The following SLC71A2 variants were observed in gnomAD, a reference collection of about 807,000 sequenced individuals.
The protein encoded by SLC71A2 is hippocampus abundant transcript-like 1.
At chr9:94,426,749 G>T in the SLC71A2 span, among the ~76,000 whole-genome samples, 1 of 146,554 alleles carries the variant, frequency 6.8e-6, no homozygotes, top group Admixed American at 6.7e-5. Context: ...TTTTTTTCAG[G>T]CAAATGCCAT....
chr9:94,452,616 T>A, the SLC71A2 span, among the ~76,000 whole-genome samples: 1 of 103,530 alleles, frequency 9.7e-6, no homozygotes, highest in African/African-American at 2.8e-5. Context: ...AGAGGGAGAA[T>A]ATATATATAT....
the SLC71A2 span, among the ~76,000 whole-genome samples, chr9:94,404,389 G>A: frequency 4.6e-5 from 7 of 151,912 alleles, no homozygotes; most frequent in Admixed American, 1.3e-4. Context: ...TCCGCCTCCC[G>A]GATTCAAGCA....
At chr9:94,424,957 A>G in the SLC71A2 span, among the ~76,000 whole-genome samples, 4 of 149,968 alleles carry the variant, frequency 2.7e-5, no homozygotes, top group Admixed American at 6.6e-5. Context: ...CTGGTCTTGA[A>G]CTCCTGGTCT....
chr9:94,382,907 A>T, the SLC71A2 span, among the ~76,000 whole-genome samples: 2 of 152,058 alleles, frequency 1.3e-5, no homozygotes, highest in Non-Finnish European at 2.9e-5. Flanking sequence ...GCTAGCCAGG[A>T]TGGTCTCAAT....
the SLC71A2 span, among the ~76,000 whole-genome samples, chr9:94,379,349 G>A: frequency 9.6e-5 from 14 of 146,064 alleles, no homozygotes; most frequent in Admixed American, 8.8e-4. Flanking sequence ...GCCTCCCAAA[G>A]TGCTGGAATT....
chr9:94,412,197 T>G, the SLC71A2 span, among the ~76,000 whole-genome samples: 1 of 152,230 alleles, frequency 6.6e-6, no homozygotes, highest in East Asian at 1.9e-4. Flanking sequence ...CTAAGGGACA[T>G]TTGATTTCAG....
chr9:94,448,580 T>A, the SLC71A2 span, among the ~76,000 whole-genome samples: 1 of 152,202 alleles, frequency 6.6e-6, no homozygotes, highest in Non-Finnish European at 1.5e-5. Flanking sequence ...ATTCTGATAG[T>A]TTTCCTGAGG....
the SLC71A2 span, among the ~76,000 whole-genome samples, chr9:94,455,109 A>G: frequency 7.5e-6 from 1 of 133,366 alleles, no homozygotes; most frequent in Admixed American, 7.6e-5. Context: ...GTAAGTACAT[A>G]TGCCCCTTCT....
the SLC71A2 span, among the ~76,000 whole-genome samples, chr9:94,396,206 G>C: frequency 2.0e-5 from 3 of 148,042 alleles, no homozygotes; most frequent in Non-Finnish European, 4.5e-5. Flanking sequence ...ACTCTGCGTT[G>C]GGTTCTATTT....
the SLC71A2 span, chr9:94,415,275 T>C: frequency 1.3e-6 from 2 of 1,558,046 alleles, no homozygotes; most frequent in Middle Eastern, 1.7e-4. Flanking sequence ...TGAACTGGGT[T>C]TGTGTTTTGT....
the SLC71A2 span, among the ~76,000 whole-genome samples, chr9:94,424,391 T>C: frequency 6.6e-6 from 1 of 151,812 alleles, no homozygotes; most frequent in Non-Finnish European, 1.5e-5. Flanking sequence ...TGCACCACCA[T>C]GCCTGGCTAA....
the SLC71A2 span, among the ~76,000 whole-genome samples, chr9:94,409,129 C>CTTTTTTTTTTTTTTTT: frequency 5.9e-5 from 4 of 68,240 alleles, no homozygotes; most frequent in African/African-American, 3.0e-4. Flanking sequence ...GCCCGGCCTC[C>CTTTTTTTTTTTTTTTT]TTTTTTTTTT....
At chr9:94,387,667 T>C in the SLC71A2 span, among the ~76,000 whole-genome samples, 1 of 152,212 alleles carries the variant, frequency 6.6e-6, no homozygotes, top group African/African-American at 2.4e-5. Flanking sequence ...AATTTTTATT[T>C]GACAGCTTAG....
chr9:94,447,352 G>A, the SLC71A2 span, among the ~76,000 whole-genome samples: 1 of 151,410 alleles, frequency 6.6e-6, no homozygotes, highest in Non-Finnish European at 1.5e-5. Context: ...GCCAATTTTT[G>A]TATTTTTAGT....
the SLC71A2 span, chr9:94,460,861 T>A: frequency 6.6e-6 from 1 of 152,238 alleles, no homozygotes; most frequent in South Asian, 2.1e-4. Flanking sequence ...CTTTTTACTA[T>A]GCTATTGGTT....
chr9:94,389,714 C>T, the SLC71A2 span, among the ~76,000 whole-genome samples: 15,790 of 151,914 alleles, frequency 0.1, 1,468 homozygotes, highest in East Asian at 0.35. Context: ...TTAAGTGATT[C>T]TCTCACCTCA....
chr9:94,453,043 G>GT, the SLC71A2 span, among the ~76,000 whole-genome samples: 1 of 151,366 alleles, frequency 6.6e-6, no homozygotes, highest in Non-Finnish European at 1.5e-5. Flanking sequence ...AACAAAGGCC[G>GT]TTTATATTTT....
the SLC71A2 span, chr9:94,415,149 C>A: frequency 6.2e-7 from 1 of 1,600,112 alleles, no homozygotes; most frequent in Non-Finnish European, 8.6e-7. Context: ...TAATAACTTT[C>A]TTTTTTAGCT....
At chr9:94,410,408 T>G in the SLC71A2 span, among the ~76,000 whole-genome samples, 1 of 152,050 alleles carries the variant, frequency 6.6e-6, no homozygotes, top group Non-Finnish European at 1.5e-5. Flanking sequence ...GGGCCTATTT[T>G]TTTCCCCCCC....
Sources: gnomAD v4.1 joint callset for allele counts (sites outside exome capture counted in the v4.1 genomes callset) on GRCh38, gnomAD v4.1.1 for gene constraint, MANE v1.5 for transcripts, NCBI Gene and HGNC (gene_info 2026-07-23, HGNC 2026-07-21) for gene names.